Variants in GALNTL6 observed in about 807,000 individuals in gnomAD.
GALNTL6 encodes polypeptide N-acetylgalactosaminyltransferase like 6, also known as polypeptide N-acetylgalactosaminyltransferase-like 6.
In GALNTL6, 46 loss-of-function variants were observed where a neutral mutation model predicts 73.7. The observed-to-expected ratio is 0.62, with a 90% CI of 0.49 to 0.80. The LOEUF (loss-of-function observed/expected upper bound fraction) is 0.80, where lower values mean the gene tolerates loss of function less well. GALNTL6 is among the 30% of genes least tolerant of loss of function. The pLI, the probability that GALNTL6 is intolerant of heterozygous loss-of-function variation, is 0.00. For missense variants in GALNTL6, 604 were observed against 755.0 expected (o/e 0.80, Z 2.34); for synonymous variants, 259 against 263.7 (o/e 0.98, Z 0.17).
chr4:172,859,475 G>A (rs1342985732), intron 7 of GALNTL6, among the ~76,000 whole-genome samples: 1 of 152,050 alleles, frequency 6.6e-6, no homozygotes, highest in East Asian at 1.9e-4. Context: ...AGAATATATT[G>A]ATTTATCATC....
intron 8 of GALNTL6, among the ~76,000 whole-genome samples, chr4:172,905,800 C>A (rs77306294): frequency 0.011 from 1,154 of 108,382 alleles, 42 homozygotes; most frequent in East Asian, 0.097. Flanking sequence ...AGACTTTCTC[C>A]TAGAGATCAC....
chr4:172,461,217 G>T (rs1028309495), intron 5 of GALNTL6, among the ~76,000 whole-genome samples: 4 of 152,056 alleles, frequency 2.6e-5, no homozygotes, highest in Non-Finnish European at 4.4e-5. Context: ...GGACCTGTTG[G>T]GGGGTGGGGC....
chr4:172,345,627 T>C (rs902411652), intron 4 of GALNTL6, among the ~76,000 whole-genome samples: 5 of 152,152 alleles, frequency 3.3e-5, no homozygotes, highest in African/African-American at 9.7e-5. Context: ...GGGTATTGAT[T>C]TAAGAGACTG....
chr4:172,423,013 C>G (rs930283605), intron 5 of GALNTL6, among the ~76,000 whole-genome samples: 4 of 151,582 alleles, frequency 2.6e-5, no homozygotes, highest in African/African-American at 9.7e-5. Flanking sequence ...ATTTCTATAC[C>G]TATACCTGTA....
intron 7 of GALNTL6, among the ~76,000 whole-genome samples, chr4:172,837,603 G>A (rs1742981176): frequency 6.6e-6 from 1 of 152,146 alleles, no homozygotes; most frequent in South Asian, 2.1e-4. Context: ...GAGAATAAGA[G>A]GGGAGAAAGC....
chr4:172,938,293 AGGAGGAGGAGGT>A (rs1207539408), intron 9 of GALNTL6, among the ~76,000 whole-genome samples: 5 of 152,064 alleles, frequency 3.3e-5, no homozygotes, highest in South Asian at 2.1e-4. Context: ...AGAGAAAGGG[AGGAGGAGGAGGT>A]GGAGGAGGAG....
At chr4:172,950,659 C>A (rs192112586) in intron 9 of GALNTL6, among the ~76,000 whole-genome samples, 1 of 152,152 alleles carries the variant, frequency 6.6e-6, no homozygotes, top group African/African-American at 2.4e-5. Context: ...ATCCAGCAGA[C>A]CTCTGGGCAT....
chr4:172,201,434 T>C (rs1393892752), intron 2 of GALNTL6, among the ~76,000 whole-genome samples: 1 of 152,032 alleles, frequency 6.6e-6, no homozygotes. Flanking sequence ...CTTGATCTCC[T>C]GACCTCATGA....
chr4:172,044,776 T>A (rs147693012), intron 2 of GALNTL6, among the ~76,000 whole-genome samples: 1 of 152,180 alleles, frequency 6.6e-6, no homozygotes, highest in Admixed American at 6.6e-5. Flanking sequence ...TTTGAAATTG[T>A]GATAATTTCA....
intron 5 of GALNTL6, among the ~76,000 whole-genome samples, chr4:172,476,211 A>G (rs1269523476): frequency 6.6e-6 from 1 of 152,246 alleles, no homozygotes; most frequent in African/African-American, 2.4e-5. Context: ...GGGAAGTCCC[A>G]GATCAAGACA....
At chr4:172,750,021 G>T (rs137921532) in intron 5 of GALNTL6, among the ~76,000 whole-genome samples, 20 of 152,232 alleles carry the variant, frequency 1.3e-4, no homozygotes, top group African/African-American at 4.3e-4. Context: ...ACTACTAAAT[G>T]ATTTAGTTAG....
At chr4:172,931,978 G>A (rs368906767) in intron 9 of GALNTL6, among the ~76,000 whole-genome samples, 24 of 152,232 alleles carry the variant, frequency 1.6e-4, no homozygotes, top group African/African-American at 5.8e-4. Context: ...TCAGGGCTGG[G>A]TCAGTTTTTG....
chr4:171,824,294 A>C (rs1459055465), intron 2 of GALNTL6, among the ~76,000 whole-genome samples: 2 of 151,816 alleles, frequency 1.3e-5, no homozygotes, highest in Non-Finnish European at 2.9e-5. Context: ...TTAACTGTGA[A>C]AGTCAATATG....
intron 8 of GALNTL6, among the ~76,000 whole-genome samples, chr4:172,909,121 T>C (rs1394179035): frequency 6.6e-6 from 1 of 151,608 alleles, no homozygotes; most frequent in African/African-American, 2.4e-5. Flanking sequence ...ACGGAGACAA[T>C]AGTTTCCTCA....
At chr4:172,789,906 G>A (rs1300678056) in intron 5 of GALNTL6, among the ~76,000 whole-genome samples, 2 of 152,190 alleles carry the variant, frequency 1.3e-5, no homozygotes, top group Admixed American at 6.5e-5. Context: ...TGGGAGTTAT[G>A]AGCCAGGAAC....
chr4:171,883,860 G>A (rs1002747394), intron 2 of GALNTL6, among the ~76,000 whole-genome samples: 5 of 151,906 alleles, frequency 3.3e-5, no homozygotes, highest in African/African-American at 1.2e-4. Flanking sequence ...TGTTGGTCAG[G>A]GTGGTCTCAA....
At chr4:172,115,837 A>G (rs1460044910) in intron 2 of GALNTL6, among the ~76,000 whole-genome samples, 3 of 152,148 alleles carry the variant, frequency 2.0e-5, no homozygotes, top group African/African-American at 7.2e-5. Flanking sequence ...ATAATGTCTT[A>G]TAAGGAATAT....
intron 5 of GALNTL6, among the ~76,000 whole-genome samples, chr4:172,408,551 G>A (rs1433281194): frequency 1.3e-5 from 2 of 151,674 alleles, no homozygotes; most frequent in African/African-American, 4.8e-5. Flanking sequence ...ATTTGAAATA[G>A]AAGCAACTCT....
chr4:172,643,483 C>T (rs1382182263), intron 5 of GALNTL6, among the ~76,000 whole-genome samples: 1 of 151,878 alleles, frequency 6.6e-6, no homozygotes, highest in African/African-American at 2.4e-5. Flanking sequence ...TGAATGTATT[C>T]ATGTAACTAT....
Sources: allele counts gnomAD v4.1 joint callset (sites outside exome capture counted in the v4.1 genomes callset), GRCh38; gene constraint gnomAD v4.1.1; transcripts MANE v1.5; gene names NCBI Gene and HGNC (gene_info 2026-07-23, HGNC 2026-07-21).